ZNF521: variants seen among roughly 807,000 people sequenced by gnomAD.
The protein encoded by ZNF521 is zinc finger protein 521, also known as LYST-interacting protein 3.
Under a neutral mutation model 105.5 loss-of-function variants are expected in ZNF521, and 14 were observed. The ratio of observed to expected loss-of-function variants is 0.13; its 90% CI spans 0.09 to 0.21. ZNF521 has a LOEUF of 0.21. ZNF521 is among the 10% of genes least tolerant of loss of function. The probability of loss-of-function intolerance (pLI) is 1.00; values close to 1 mark genes in which losing one functional copy is unlikely to be tolerated. For synonymous variants in ZNF521, 635 were observed against 606.0 expected (o/e 1.05, Z -0.70); for missense variants, 1,233 against 1,629.7 (o/e 0.76, Z 4.19).
chr18:25,149,610 G>A (rs1229115190), intron 5 of ZNF521, among the ~76,000 whole-genome samples: 1 of 152,140 alleles, frequency 6.6e-6, no homozygotes, highest in African/African-American at 2.4e-5. Flanking sequence ...TCTATCTATA[G>A]ATGGTTAACT....
intron 3 of ZNF521, among the ~76,000 whole-genome samples, chr18:25,301,033 A>G (rs1911614881): frequency 6.6e-6 from 1 of 152,220 alleles, no homozygotes; most frequent in South Asian, 2.1e-4. Flanking sequence ...TTATTTTGAA[A>G]GCATCCATAA....
intron 5 of ZNF521, among the ~76,000 whole-genome samples, chr18:25,192,503 T>C (rs1480606377): frequency 6.6e-6 from 1 of 152,132 alleles, no homozygotes. Context: ...TTACACCTCA[T>C]TGGGTCATCT....
chr18:25,235,904 T>C (rs529818968), intron 3 of ZNF521, among the ~76,000 whole-genome samples: 1 of 150,882 alleles, frequency 6.6e-6, no homozygotes, highest in South Asian at 2.1e-4. Flanking sequence ...GAAAAAGCTG[T>C]TACAAAGATT....
intron 5 of ZNF521, among the ~76,000 whole-genome samples, chr18:25,116,962 T>C (rs1199778122): frequency 1.1e-4 from 12 of 104,814 alleles, no homozygotes; most frequent in Non-Finnish European, 1.7e-4. Flanking sequence ...TATGTATATA[T>C]GTATATATAT....
intron 5 of ZNF521, among the ~76,000 whole-genome samples, chr18:25,123,772 T>C (rs1004579403): frequency 2.0e-5 from 3 of 152,232 alleles, no homozygotes; most frequent in Non-Finnish European, 2.9e-5. Flanking sequence ...ATGAATTCCA[T>C]ATTTAGTTAC....
chr18:25,318,885 C>A (rs1292811932), intron 3 of ZNF521, among the ~76,000 whole-genome samples: 2 of 150,538 alleles, frequency 1.3e-5, no homozygotes, highest in Non-Finnish European at 2.9e-5. Flanking sequence ...TAGCATTGAG[C>A]ATACATAGTA....
intron 4 of ZNF521, among the ~76,000 whole-genome samples, chr18:25,209,223 C>T (rs2036134787): frequency 1.3e-5 from 2 of 151,934 alleles, no homozygotes; most frequent in Admixed American, 1.3e-4. Context: ...CCTCCATCTC[C>T]TAGGTTCAAG....
At chr18:25,150,534 G>A (rs1600094630) in intron 5 of ZNF521, among the ~76,000 whole-genome samples, 1 of 152,204 alleles carries the variant, frequency 6.6e-6, no homozygotes, top group South Asian at 2.1e-4. Context: ...AGTGTTTGAA[G>A]AGACCAGAGG....
At chr18:25,147,898 T>TA (rs1436111309) in intron 5 of ZNF521, among the ~76,000 whole-genome samples, 1 of 152,178 alleles carries the variant, frequency 6.6e-6, no homozygotes, top group African/African-American at 2.4e-5. Flanking sequence ...AAGGCAGCCG[T>TA]ACCCTGTCCT....
At chr18:25,070,300 G>A (rs1014336196) in intron 7 of ZNF521, among the ~76,000 whole-genome samples, 4 of 152,126 alleles carry the variant, frequency 2.6e-5, no homozygotes, top group East Asian at 1.9e-4. Flanking sequence ...CATTTTTGTT[G>A]TTGTTCTCTG....
chr18:25,265,671 C>T (rs1439936375), intron 3 of ZNF521, among the ~76,000 whole-genome samples: 4 of 152,110 alleles, frequency 2.6e-5, no homozygotes, highest in African/African-American at 9.7e-5. Context: ...ATAGAGCTAC[C>T]CTATCCCATT....
intron 3 of ZNF521, among the ~76,000 whole-genome samples, chr18:25,312,021 G>A (rs1912336935): frequency 6.6e-6 from 1 of 152,068 alleles, no homozygotes; most frequent in African/African-American, 2.4e-5. Flanking sequence ...ATTTCTAGGA[G>A]ATTACATCCT....
chr18:25,333,305 T>TCTCC (rs142650199), intron 2 of ZNF521, among the ~76,000 whole-genome samples: 1 of 139,936 alleles, frequency 7.1e-6, no homozygotes, highest in African/African-American at 2.6e-5. Context: ...ACACACTCTC[T>TCTCC]CTCTCTCTCT....
chr18:25,320,100 C>A (rs1300561742), intron 3 of ZNF521, among the ~76,000 whole-genome samples: 1 of 152,160 alleles, frequency 6.6e-6, no homozygotes, highest in Non-Finnish European at 1.5e-5. Flanking sequence ...CTACCAAAGA[C>A]ATTATTAAGA....
chr18:25,217,162 G>GT (rs1287647064), intron 4 of ZNF521, among the ~76,000 whole-genome samples: 2 of 152,166 alleles, frequency 1.3e-5, no homozygotes, highest in African/African-American at 2.4e-5. Context: ...AAAATTTTAA[G>GT]TGACTTCACT....
rs981407792 is a variant in ZNF521, at chr18:25,142,122, T to G, written c.3659-50041A>C. Among the ~76,000 whole-genome samples, 5 of 152,116 alleles carry G rather than the reference T, an allele frequency of 3.3e-5. No individual in the cohort carries two copies. In the South Asian group the frequency reaches 1.0e-3, roughly 32 times the overall value. On this transcript the variant is annotated intron_variant, in intron 5 of 7. Coordinates refer to ENST00000361524, the MANE Select transcript of ZNF521 (RefSeq NM_015461.3). ...AAAGGGAACATATGGAAGAATGAGC[T>G]TGGACCAAAGGGATCCTGTTTTTTG...
At chr18:25,109,150 C>A (rs2034134137) in intron 5 of ZNF521, among the ~76,000 whole-genome samples, 1 of 151,812 alleles carries the variant, frequency 6.6e-6, no homozygotes, top group South Asian at 2.1e-4. Context: ...TCTATTATTT[C>A]CATCTTTATG....
chr18:25,195,010 G>GAAATTATAACA, intron 5 of ZNF521, 150 bp downstream of exon 5: 1 of 619,820 alleles, frequency 1.6e-6, no homozygotes, highest in East Asian at 3.2e-5. Flanking sequence ...CACCTTATCA[G>GAAATTATAACA]GACTAATAAC....
At chr18:25,174,040 T>A (rs1282436950) in intron 5 of ZNF521, among the ~76,000 whole-genome samples, 1 of 152,246 alleles carries the variant, frequency 6.6e-6, no homozygotes, top group Non-Finnish European at 1.5e-5. Flanking sequence ...AAAAAATTCA[T>A]TTTTATGTTT....
Sources: allele counts gnomAD v4.1 joint callset (sites outside exome capture counted in the v4.1 genomes callset), GRCh38; gene constraint gnomAD v4.1.1; transcripts MANE v1.5; gene names NCBI Gene and HGNC (gene_info 2026-07-23, HGNC 2026-07-21).